RERG: variants seen among roughly 807,000 people sequenced by gnomAD.
RERG encodes ras-related and estrogen-regulated growth inhibitor.
Under a neutral mutation model 23.2 loss-of-function variants are expected in RERG, and 25 were observed. That is an observed-to-expected ratio of 1.08 (90% CI 0.79 to 1.50). The LOEUF (loss-of-function observed/expected upper bound fraction) is 1.50. Among genes scored for constraint, RERG ranks in the 40% most tolerant of loss-of-function variants. RERG has a pLI of 0.00. For synonymous variants in RERG, 81 were observed against 89.1 expected (o/e 0.91, Z 0.51); for missense variants, 253 against 250.1 (o/e 1.01, Z -0.08).
chr12:15,158,109 C>G (rs1407770665), intron 2 of RERG, among the ~76,000 whole-genome samples: 1 of 152,066 alleles, frequency 6.6e-6, no homozygotes, highest in Non-Finnish European at 1.5e-5. Flanking sequence ...TAACATGATG[C>G]AATGACATTA....
chr12:15,161,191 A>G (rs1303514151), intron 2 of RERG, among the ~76,000 whole-genome samples: 2 of 149,592 alleles, frequency 1.3e-5, no homozygotes, highest in Non-Finnish European at 3.0e-5. Context: ...AGAAAGAAAG[A>G]AAGAAAGAAA....
At chr12:15,196,166 T>G (rs1865141399) in intron 2 of RERG, among the ~76,000 whole-genome samples, 1 of 152,138 alleles carries the variant, frequency 6.6e-6, no homozygotes, top group Non-Finnish European at 1.5e-5. Context: ...GGTCAACAAT[T>G]TGTTGAACTG....
chr12:15,198,123 T>G (rs530092854), intron 2 of RERG, among the ~76,000 whole-genome samples: 16 of 152,240 alleles, frequency 1.1e-4, no homozygotes, highest in African/African-American at 3.8e-4. Context: ...CTGGCTCTAT[T>G]TCCTTTTCTC....
At chr12:15,220,177 C>A (rs1285297773) in intron 1 of RERG, among the ~76,000 whole-genome samples, 5 of 152,176 alleles carry the variant, frequency 3.3e-5, no homozygotes, top group African/African-American at 9.6e-5. Context: ...AGCTTCCATA[C>A]GTGGATCTAA....
chr12:15,133,873 CAT>C (rs1019964092), intron 2 of RERG, among the ~76,000 whole-genome samples: 1 of 151,994 alleles, frequency 6.6e-6, no homozygotes, highest in African/African-American at 2.4e-5. Flanking sequence ...AGAATCTTTC[CAT>C]ATGTTTATTT....
At chr12:15,206,473 T>C (rs781674433) in intron 2 of RERG, among the ~76,000 whole-genome samples, 5 of 152,086 alleles carry the variant, frequency 3.3e-5, no homozygotes, top group Admixed American at 1.3e-4. Context: ...CAAATGGAAA[T>C]TGAGTACTCA....
chr12:15,147,715 T>C (rs532290713), intron 2 of RERG, among the ~76,000 whole-genome samples: 2 of 152,328 alleles, frequency 1.3e-5, no homozygotes, highest in South Asian at 4.1e-4. Context: ...AAGAAATTTA[T>C]GTATTTAGAT....
rs143274071 is a variant in RERG at position 15,193,709 on chromosome 12, C to T, written c.61+23720G>A. Among the ~76,000 whole-genome samples, 127 of 152,264 alleles carry T rather than the reference C, an allele frequency of 8.3e-4. No individual in the cohort carries two copies. In the South Asian group the frequency reaches 0.011, roughly 13 times the overall value. ...ACCATATAATATAGGAACAAGAGTG[C>T]TGTACTTAGAGCTGGAAGATATTCC... On this transcript the variant is annotated intron_variant, in intron 2 of 4. Transcript: ENST00000256953.
At chr12:15,148,499 G>A (rs563352602) in intron 2 of RERG, among the ~76,000 whole-genome samples, 1 of 152,314 alleles carries the variant, frequency 6.6e-6, no homozygotes, top group South Asian at 2.1e-4. Context: ...ACAGAGATGA[G>A]TGTTGCAAGA....
chr12:15,219,357 G>A (rs1377975230), intron 1 of RERG, among the ~76,000 whole-genome samples: 1 of 152,120 alleles, frequency 6.6e-6, no homozygotes, highest in Admixed American at 6.6e-5. Flanking sequence ...TACCTAATAA[G>A]GTTTTGTATT....
At chr12:15,143,809 T>C (rs927350826) in intron 2 of RERG, among the ~76,000 whole-genome samples, 1 of 152,078 alleles carries the variant, frequency 6.6e-6, no homozygotes, top group Non-Finnish European at 1.5e-5. Flanking sequence ...AGGGATTTGA[T>C]TGGTATCTTA....
At chr12:15,145,777 G>A (rs1033731689) in intron 2 of RERG, among the ~76,000 whole-genome samples, 4 of 152,306 alleles carry the variant, frequency 2.6e-5, no homozygotes, top group South Asian at 2.1e-4. Flanking sequence ...TGAATTGGCC[G>A]TAAACCCACT....
chr12:15,153,487 T>C (rs932704688), intron 2 of RERG, among the ~76,000 whole-genome samples: 2 of 152,212 alleles, frequency 1.3e-5, no homozygotes, highest in Admixed American at 6.5e-5. Flanking sequence ...GAGAGTCTAG[T>C]ATTTATAAAT....
chr12:15,130,756 G>T (rs1591639659), intron 2 of RERG, among the ~76,000 whole-genome samples: 1 of 152,100 alleles, frequency 6.6e-6, no homozygotes, highest in Non-Finnish European at 1.5e-5. Context: ...GACCAGTCTT[G>T]CATTCTCACA....
At position 15,203,379 on chromosome 12, in the gene RERG, T is replaced by C. The variant is rs191994511; in HGVS notation, c.61+14050A>G. ...ATCTGTGCTTCTGGTGGCAAATTCATGAAATCATTAAACACTCAACAAACT... is the reference window on the plus strand; with the variant it reads ...ATCTGTGCTTCTGGTGGCAAATTCACGAAATCATTAAACACTCAACAAACT... On this transcript the variant is annotated intron_variant, in intron 2 of 4. Transcript: ENST00000256953. Among the ~76,000 whole-genome samples, 454 of 151,758 alleles carry C rather than the reference T, an allele frequency of 3.0e-3. 3 individuals are homozygous for C. Among genetic ancestry groups the C allele is most frequent in the African/African-American group, 0.011 (442 of 41,496 alleles).
At chr12:15,130,689 G>C (rs1259400691) in intron 2 of RERG, among the ~76,000 whole-genome samples, 2 of 152,174 alleles carry the variant, frequency 1.3e-5, no homozygotes, top group Non-Finnish European at 2.9e-5. Flanking sequence ...ATTAGTTCCA[G>C]ATGGGGGTCT....
chr12:15,169,920 ATG>A (rs61079713), intron 2 of RERG, among the ~76,000 whole-genome samples: 43,527 of 137,214 alleles, frequency 0.32, 6,724 homozygotes, highest in African/African-American at 0.38. Flanking sequence ...TCTGCTAAAA[ATG>A]TGTGTGTGTG....
intron 2 of RERG, among the ~76,000 whole-genome samples, chr12:15,190,802 A>G (rs979652912): frequency 2.0e-5 from 3 of 152,160 alleles, no homozygotes; most frequent in South Asian, 4.1e-4. Context: ...AGAACCCTTT[A>G]TCATCCCATA....
chr12:15,177,429 G>A (rs1565529234), intron 2 of RERG, among the ~76,000 whole-genome samples: 1 of 152,014 alleles, frequency 6.6e-6, no homozygotes, highest in African/African-American at 2.4e-5. Context: ...CGCCAGCCTG[G>A]GTGAAAGAAT....
Sources: allele counts gnomAD v4.1 joint callset (sites outside exome capture counted in the v4.1 genomes callset), GRCh38; gene constraint gnomAD v4.1.1; transcripts MANE v1.5; gene names NCBI Gene and HGNC (gene_info 2026-07-23, HGNC 2026-07-21).